The following TMEM132D variants were observed in gnomAD, a reference collection of about 807,000 sequenced individuals.
The protein encoded by TMEM132D is transmembrane protein 132D.
In TMEM132D, 21 loss-of-function variants were observed where a neutral mutation model predicts 62.3. The ratio of observed to expected loss-of-function variants is 0.34; its 90% CI spans 0.24 to 0.49. TMEM132D has a LOEUF of 0.49. Among genes scored for constraint, TMEM132D ranks in the 20% least tolerant of loss-of-function variants. TMEM132D has a pLI of 0.99. For synonymous variants in TMEM132D, 621 were observed against 575.6 expected, an observed-to-expected ratio of 1.08 and a Z score of -1.13; for missense variants, 1,346 against 1,402.8, an observed-to-expected ratio of 0.96 and a Z score of 0.65.
At chr12:129,414,488 G>A (rs1039817016) in intron 3 of TMEM132D, among the ~76,000 whole-genome samples, 6 of 152,140 alleles carry the variant, frequency 3.9e-5, no homozygotes, top group African/African-American at 1.4e-4. Context: ...GTATATATTT[G>A]GGTTGGCAAT....
chr12:129,372,648 T>C lies in TMEM132D; in HGVS notation c.1116-34831A>G, dbSNP rs1158144013. ...TTTGCACTACAGGGATACTATGCTG[T>C]AGTGCAAACTATGCATGTGAGGGAT... is the stretch of plus-strand genomic sequence containing the variant. On this transcript the variant is annotated intron_variant, in intron 3 of 8. Transcript: ENST00000422113. Among the ~76,000 whole-genome samples the C allele has an allele frequency of 2.6e-5, 4 of 152,034 alleles. No homozygotes were observed. The South Asian group carries it at 6.2e-4, about 24-fold the overall frequency.
chr12:129,708,951 G>A (rs972171679), intron 1 of TMEM132D, among the ~76,000 whole-genome samples: 3 of 152,136 alleles, frequency 2.0e-5, no homozygotes, highest in South Asian at 4.1e-4. Flanking sequence ...GACAGGGAAC[G>A]ACTGTATCAG....
chr12:129,140,915 G>A (rs1000968899), intron 5 of TMEM132D, among the ~76,000 whole-genome samples: 4 of 152,102 alleles, frequency 2.6e-5, no homozygotes, highest in African/African-American at 9.7e-5. Flanking sequence ...TGATCGCGAG[G>A]AAGCATTCAT....
At chr12:129,103,423 A>G (rs1182085176) in intron 5 of TMEM132D, among the ~76,000 whole-genome samples, 1 of 152,188 alleles carries the variant, frequency 6.6e-6, no homozygotes, top group Non-Finnish European at 1.5e-5. Context: ...CCACGCCCAG[A>G]TTTGGAGGAG....
intron 1 of TMEM132D, among the ~76,000 whole-genome samples, chr12:129,820,000 G>T (rs1872499998): frequency 6.6e-6 from 1 of 152,060 alleles, no homozygotes; most frequent in Non-Finnish European, 1.5e-5. Flanking sequence ...GGCAGCTGAG[G>T]TTTCTCTCAG....
chr12:129,841,894 TA>T (rs1873203068), intron 1 of TMEM132D, among the ~76,000 whole-genome samples: 1 of 150,844 alleles, frequency 6.6e-6, no homozygotes, highest in African/African-American at 2.4e-5. Flanking sequence ...GAGCACCTCC[TA>T]AGAGCCAGCC....
chr12:129,080,449 G>A (rs1051036423), intron 7 of TMEM132D, among the ~76,000 whole-genome samples: 9 of 152,180 alleles, frequency 5.9e-5, no homozygotes, highest in African/African-American at 1.9e-4. Context: ...TAGAGCATGC[G>A]ACTCCTGGTC....
chr12:129,109,186 C>T (rs949666046), intron 5 of TMEM132D, among the ~76,000 whole-genome samples: 20 of 152,058 alleles, frequency 1.3e-4, no homozygotes, highest in Non-Finnish European at 1.9e-4. Context: ...AGGAAGAGAC[C>T]CCAGGCCCGA....
At chr12:129,883,388 T>C (rs1012421715) in intron 1 of TMEM132D, among the ~76,000 whole-genome samples, 5 of 152,150 alleles carry the variant, frequency 3.3e-5, no homozygotes, top group Non-Finnish European at 7.4e-5. Context: ...CCTAAATAAA[T>C]TGTCAGACAT....
chr12:129,677,149 T>G (rs1490044829), intron 2 of TMEM132D, among the ~76,000 whole-genome samples: 2 of 152,228 alleles, frequency 1.3e-5, no homozygotes, highest in Admixed American at 1.3e-4. Flanking sequence ...AATCTCATCT[T>G]GAATTGTAAC....
chr12:129,655,045 T>G (rs568060722), intron 2 of TMEM132D, among the ~76,000 whole-genome samples: 16 of 152,120 alleles, frequency 1.1e-4, no homozygotes, highest in African/African-American at 3.9e-4. Context: ...CCTCCCGGGT[T>G]CAAGTCATTC....
Position 129,578,408 on chromosome 12 carries a change from A to ATGTGTGTGTGTGTGTGTG in TMEM132D, c.969-47204_969-47203insCACACACACACACACACA, listed in dbSNP as rs143488724. Among the ~76,000 whole-genome samples, 271 of 144,804 alleles carry ATGTGTGTGTGTGTGTGTG rather than the reference A, an allele frequency of 1.9e-3. 2 individuals carry two copies. Among genetic ancestry groups the ATGTGTGTGTGTGTGTGTG allele is most frequent in the African/African-American group, 5.1e-3 (198 of 38,838 alleles). 95.0% of individuals were successfully genotyped at this position (144,804 alleles called of 152,430 possible). A position where few individuals can be genotyped will look rare whatever the true frequency, so the allele number is the denominator to read the frequency against. On this transcript the variant is annotated intron_variant, in intron 2 of 8. Transcript: ENST00000422113. ...CTGGAGAACGCTGAGTAATACAATTATGTGTGTGTGTGTGTGTATATATAT... is the reference window on the plus strand; with the variant it reads ...CTGGAGAACGCTGAGTAATACAATTATGTGTGTGTGTGTGTGTGTGTGTGTGTGTGTGTGTATATATAT...
chr12:129,460,879 A>G (rs1487196179), intron 3 of TMEM132D, among the ~76,000 whole-genome samples: 2 of 152,080 alleles, frequency 1.3e-5, no homozygotes, highest in East Asian at 3.9e-4. Context: ...ATGACTGTGG[A>G]TTTAAAGGCA....
At chr12:129,818,491 G>A (rs1036601757) in intron 1 of TMEM132D, among the ~76,000 whole-genome samples, 1 of 149,566 alleles carries the variant, frequency 6.7e-6, no homozygotes, top group African/African-American at 2.5e-5. Flanking sequence ...TGTGTGTGTG[G>A]TGTGTGTATG....
intron 5 of TMEM132D, among the ~76,000 whole-genome samples, chr12:129,115,232 C>A (rs562481569): frequency 6.6e-6 from 1 of 152,200 alleles, no homozygotes. Context: ...TAGGATAAGA[C>A]ATCAAATTCT....
intron 2 of TMEM132D, among the ~76,000 whole-genome samples, chr12:129,574,926 T>G (rs1877616714): frequency 6.6e-6 from 1 of 151,718 alleles, no homozygotes; most frequent in Non-Finnish European, 1.5e-5. Flanking sequence ...GAAAAGGAGA[T>G]GCAGATGCCC....
At chr12:129,222,680 T>C (rs1879379343) in intron 4 of TMEM132D, among the ~76,000 whole-genome samples, 1 of 152,166 alleles carries the variant, frequency 6.6e-6, no homozygotes, top group African/African-American at 2.4e-5. Context: ...TCGTCTTACT[T>C]ATAGGTGATA....
chr12:129,609,803 C>T (rs34663242), intron 2 of TMEM132D, among the ~76,000 whole-genome samples: 10,219 of 152,248 alleles, frequency 0.067, 425 homozygotes, highest in Middle Eastern at 0.18. Context: ...CCTGTTACCA[C>T]GTGGATCTTC....
At chr12:129,452,289 A>G (rs1873317283) in intron 3 of TMEM132D, among the ~76,000 whole-genome samples, 1 of 152,224 alleles carries the variant, frequency 6.6e-6, no homozygotes, top group African/African-American at 2.4e-5. Context: ...GTTAATTGTG[A>G]GGACCACTAT....
Sources: allele counts gnomAD v4.1 joint callset (sites outside exome capture counted in the v4.1 genomes callset), GRCh38; gene constraint gnomAD v4.1.1; transcripts MANE v1.5; gene names NCBI Gene and HGNC (gene_info 2026-07-23, HGNC 2026-07-21).